KCNQ5: variants seen among roughly 807,000 people sequenced by gnomAD.
The protein encoded by KCNQ5 is potassium voltage-gated channel subfamily KQT member 5.
In KCNQ5, 30 loss-of-function variants were observed where a neutral mutation model predicts 98.2. The observed-to-expected ratio is 0.31, with a 90% CI of 0.23 to 0.41. The LOEUF is 0.41. KCNQ5 is among the 10% of genes least tolerant of loss of function. The pLI is 1.00. For synonymous variants in KCNQ5, 458 were observed against 449.4 expected (o/e 1.02, Z -0.24); for missense variants, 835 against 1,182.5 (o/e 0.71, Z 4.31).
At chr6:72,838,457 A>T (rs1454734370) in intron 1 of KCNQ5, among the ~76,000 whole-genome samples, 1 of 152,244 alleles carries the variant, frequency 6.6e-6, no homozygotes, top group East Asian at 1.9e-4. Context: ...TAGCTTAACA[A>T]CACTGCTCTC....
chr6:72,662,294 G>A (rs1766567429), intron 1 of KCNQ5, among the ~76,000 whole-genome samples: 1 of 151,948 alleles, frequency 6.6e-6, no homozygotes, highest in Non-Finnish European at 1.5e-5. Flanking sequence ...ATGAAAAATA[G>A]GTATTTTATG....
chr6:73,041,908 C>G (rs1227170873), intron 2 of KCNQ5, 28 bp from the exon 3 acceptor site: 1 of 1,613,244 alleles, frequency 6.2e-7, no homozygotes, highest in Non-Finnish European at 8.5e-7. Flanking sequence ...TAATGCTTCT[C>G]TCTGATATGT....
chr6:73,021,906 T>A (rs535431880), intron 2 of KCNQ5, among the ~76,000 whole-genome samples: 37 of 152,326 alleles, frequency 2.4e-4, no homozygotes, highest in African/African-American at 8.9e-4. Context: ...CCTCTTTTTT[T>A]TCACTCTTCC....
intron 1 of KCNQ5, among the ~76,000 whole-genome samples, chr6:72,648,389 T>C (rs1476475846): frequency 6.6e-6 from 1 of 152,158 alleles, no homozygotes; most frequent in African/African-American, 2.4e-5. Flanking sequence ...AGTGTCATTG[T>C]ATAGGAAAAT....
At chr6:72,806,686 A>G (rs1225765046) in intron 1 of KCNQ5, among the ~76,000 whole-genome samples, 2 of 152,108 alleles carry the variant, frequency 1.3e-5, no homozygotes, top group Admixed American at 6.5e-5. Context: ...TCCTATTATT[A>G]AGGAATTAAA....
At chr6:72,717,876 C>T (rs1263471528) in intron 1 of KCNQ5, among the ~76,000 whole-genome samples, 1 of 152,096 alleles carries the variant, frequency 6.6e-6, no homozygotes, top group African/African-American at 2.4e-5. Flanking sequence ...TTATTAAGGA[C>T]CATTTGTTTA....
intron 1 of KCNQ5, among the ~76,000 whole-genome samples, chr6:72,637,868 T>C (rs534867312): frequency 6.6e-6 from 1 of 152,362 alleles, no homozygotes; most frequent in South Asian, 2.1e-4. Context: ...AATTACAGTT[T>C]GTTTTGGGGA....
At chr6:72,895,506 G>T (rs1779215676) in intron 1 of KCNQ5, among the ~76,000 whole-genome samples, 1 of 151,554 alleles carries the variant, frequency 6.6e-6, no homozygotes, top group African/African-American at 2.4e-5. Flanking sequence ...CAGTTATATG[G>T]ATTCTTTAAG....
intron 1 of KCNQ5, among the ~76,000 whole-genome samples, chr6:72,894,663 T>G (rs1370983129): frequency 6.6e-6 from 1 of 152,186 alleles, no homozygotes; most frequent in African/African-American, 2.4e-5. Context: ...CTCTGCCTGA[T>G]TAACTGAAAA....
In KCNQ5 at chr6:72,622,072, C is replaced by T; in HGVS notation, c.-118C>T. On this transcript the variant is annotated 5_prime_UTR_variant, in exon 1 of 14. Coordinates refer to ENST00000370398, the MANE Select transcript of KCNQ5 (RefSeq NM_019842.4). The surrounding 1 kb of genome is among the most constrained non-coding windows in gnomAD (Gnocchi z 6.0). Reference sequence around the variant, plus strand: ...TTCCCCGCCCCCGGCTCAGAGGTCTCTGGCTGGCGGGCGCCCCGTCGGCCG... The same window carrying T: ...TTCCCCGCCCCCGGCTCAGAGGTCTTTGGCTGGCGGGCGCCCCGTCGGCCG... The T allele has an allele frequency of 4.5e-6, 4 of 894,574 alleles. No homozygotes were observed. The highest frequency in any genetic ancestry group is 5.8e-6 in the Non-Finnish European group (4 of 688,006). The allele number at this position is 894,574 out of a possible 1,614,324, so 55.4% of individuals were successfully genotyped here.
At chr6:72,873,817 A>G (rs1778305339) in intron 1 of KCNQ5, among the ~76,000 whole-genome samples, 2 of 152,192 alleles carry the variant, frequency 1.3e-5, no homozygotes, top group South Asian at 4.1e-4. Flanking sequence ...ATAATTTAAT[A>G]TATATGCTTA....
intron 3 of KCNQ5, among the ~76,000 whole-genome samples, chr6:73,046,797 CA>C (rs1048695291): frequency 5.9e-5 from 9 of 152,032 alleles, no homozygotes; most frequent in Non-Finnish European, 1.3e-4. Flanking sequence ...CACACGCCAC[CA>C]CACCCAGCTA....
chr6:72,735,490 T>C (rs1354855792), intron 1 of KCNQ5, among the ~76,000 whole-genome samples: 2 of 152,304 alleles, frequency 1.3e-5, no homozygotes, highest in East Asian at 3.9e-4. Context: ...GTACTACTAA[T>C]ATTTTTAATG....
rs75665300 is a variant in KCNQ5, at chr6:72,676,319, A to T, written c.398+53732A>T. On this transcript the variant is annotated intron_variant, in intron 1 of 13. Coordinates refer to ENST00000370398, the MANE Select transcript of KCNQ5 (RefSeq NM_019842.4). ...TTGTCTTTCTCTCCCTTTTTCTTGG[A>T]TTATTTAAATTTTTTATGTCACAAA... Among the ~76,000 whole-genome samples, 28 of 146,592 alleles carry T rather than the reference A, an allele frequency of 1.9e-4. No homozygotes were observed. The East Asian group carries it at 3.3e-3, about 17-fold the overall frequency.
At chr6:72,848,735 G>A (rs1331900607) in intron 1 of KCNQ5, among the ~76,000 whole-genome samples, 1 of 152,086 alleles carries the variant, frequency 6.6e-6, no homozygotes, top group East Asian at 1.9e-4. Flanking sequence ...AATCGTGGGG[G>A]CGATTACCCC....
rs575089336 is a variant in KCNQ5, at chr6:72,632,549, A to G, written c.398+9962A>G. 7.2e-5 allele frequency among the ~76,000 whole-genome samples: 11 copies of G among 152,212 alleles called. No homozygotes were observed. In the East Asian group the frequency reaches 2.1e-3, roughly 29 times the overall value. On this transcript the variant is annotated intron_variant, in intron 1 of 13. Transcript: ENST00000370398. ...ATCCAGGTAGTGAGCATAGTACCCA[A>G]TTGTTAGTTTTTCAACCCATGGCTC...
At chr6:72,728,128 G>A (rs562011265) in intron 1 of KCNQ5, among the ~76,000 whole-genome samples, 21 of 152,170 alleles carry the variant, frequency 1.4e-4, no homozygotes, top group Non-Finnish European at 2.6e-4. Flanking sequence ...GGTAGGTTAT[G>A]CAAAGTCATA....
intron 1 of KCNQ5, among the ~76,000 whole-genome samples, chr6:72,717,186 T>A (rs936329785): frequency 2.6e-5 from 4 of 152,192 alleles, no homozygotes; most frequent in African/African-American, 7.2e-5. Flanking sequence ...CTAGACAATT[T>A]GAATGTCTAA....
chr6:72,775,568 G>C (rs1347846378), intron 1 of KCNQ5, among the ~76,000 whole-genome samples: 1 of 96,330 alleles, frequency 1.0e-5, no homozygotes, highest in African/African-American at 4.0e-5. Context: ...CCACAATATG[G>C]ACAGGAGGGG....
Sources: gnomAD v4.1 joint callset for allele counts (sites outside exome capture counted in the v4.1 genomes callset) on GRCh38, gnomAD v4.1.1 for gene constraint, Gnocchi (gnomAD v3.1) non-coding constraint, MANE v1.5 for transcripts, NCBI Gene and HGNC (gene_info 2026-07-23, HGNC 2026-07-21) for gene names.